MYRIP: variants seen among roughly 807,000 people sequenced by gnomAD.
The protein encoded by MYRIP is rab effector MyRIP.
In MYRIP, 49 loss-of-function variants were observed where a neutral mutation model predicts 98.0. The ratio of observed to expected loss-of-function variants is 0.50; its 90% CI spans 0.40 to 0.63. The LOEUF is 0.63. Among genes scored for constraint, MYRIP ranks in the 30% least tolerant of loss-of-function variants. The pLI is 0.00. For synonymous variants in MYRIP, 404 were observed against 409.5 expected (o/e 0.99, Z 0.16); for missense variants, 1,004 against 1,058.2 (o/e 0.95, Z 0.71).
At chr3:40,126,652 A>C (rs1438840183) in intron 3 of MYRIP, among the ~76,000 whole-genome samples, 1 of 152,248 alleles carries the variant, frequency 6.6e-6, no homozygotes, top group Non-Finnish European at 1.5e-5. Context: ...CATAACCTAC[A>C]ACCAAATTTG....
chr3:39,975,519 A>C (rs1347352174), intron 2 of MYRIP, among the ~76,000 whole-genome samples: 33 of 152,080 alleles, frequency 2.2e-4, no homozygotes, highest in Non-Finnish European at 2.9e-4. Context: ...GCTACCAATG[A>C]CTTTCTTCAC....
chr3:40,072,833 TA>T (rs11339535), intron 3 of MYRIP, among the ~76,000 whole-genome samples: 122,952 of 151,846 alleles, frequency 0.81, 49,861 homozygotes, highest in Admixed American at 0.87. Context: ...TGTTCTTTTT[TA>T]AAAAAAAATG....
At position 39,868,461 on chromosome 3, in the gene MYRIP, T is replaced by C. The variant is rs370637178; in HGVS notation, c.-30-32326T>C. Among the ~76,000 whole-genome samples, 91 of 152,282 alleles carry C rather than the reference T, an allele frequency of 6.0e-4. 4 individuals carry two copies. The Middle Eastern group carries it at 0.017, about 28-fold the overall frequency. On this transcript the variant is annotated intron_variant, in intron 1 of 16. Transcript: ENST00000302541. Reference sequence around the variant, plus strand: ...TCTGTTGGATAAGGGACTGAGTTCCTGAGATTCAGAGTTCTTTGTGTTCTG... The same window carrying C: ...TCTGTTGGATAAGGGACTGAGTTCCCGAGATTCAGAGTTCTTTGTGTTCTG...
intron 3 of MYRIP, among the ~76,000 whole-genome samples, chr3:40,055,758 A>T (rs1173790595): frequency 6.6e-6 from 1 of 152,180 alleles, no homozygotes; most frequent in Non-Finnish European, 1.5e-5. Flanking sequence ...AAACCTTGTT[A>T]CAATGTCTTT....
intron 16 of MYRIP, among the ~76,000 whole-genome samples, chr3:40,256,974 C>T (rs1262996030): frequency 6.6e-6 from 1 of 152,104 alleles, no homozygotes; most frequent in Non-Finnish European, 1.5e-5. Flanking sequence ...TGTACTTCTT[C>T]AGAGATGAAG....
At chr3:40,007,523 T>C (rs1346921406) in intron 2 of MYRIP, among the ~76,000 whole-genome samples, 1 of 152,162 alleles carries the variant, frequency 6.6e-6, no homozygotes, top group African/African-American at 2.4e-5. Context: ...CTCACAGACA[T>C]TGTGATGAGA....
intron 3 of MYRIP, among the ~76,000 whole-genome samples, chr3:40,063,774 A>C (rs892134737): frequency 6.6e-6 from 1 of 152,228 alleles, no homozygotes; most frequent in African/African-American, 2.4e-5. Flanking sequence ...CTACATTAAT[A>C]GTCAAGGTTA....
intron 12 of MYRIP, 119 bp downstream of exon 12, chr3:40,234,172 C>G: frequency 1.0e-6 from 1 of 1,001,666 alleles, no homozygotes; most frequent in East Asian, 3.1e-5. Flanking sequence ...ACCACTACCA[C>G]TATAGCAAAT....
At chr3:40,122,073 A>G (rs1348873957) in intron 3 of MYRIP, among the ~76,000 whole-genome samples, 2 of 152,160 alleles carry the variant, frequency 1.3e-5, no homozygotes, top group Non-Finnish European at 2.9e-5. Flanking sequence ...CTGGCCTAAA[A>G]TGGAACCAAA....
chr3:40,191,404 TC>T (rs1471281968), intron 10 of MYRIP, among the ~76,000 whole-genome samples: 1 of 152,216 alleles, frequency 6.6e-6, no homozygotes, highest in East Asian at 1.9e-4. Context: ...CACATCACTG[TC>T]AACTCAATAC....
intron 9 of MYRIP, among the ~76,000 whole-genome samples, chr3:40,184,814 T>A (rs1950984097): frequency 6.6e-6 from 1 of 152,224 alleles, no homozygotes. Flanking sequence ...TTCAATTGTA[T>A]ATAAACATAA....
chr3:40,162,896 A>G (rs2125590407), intron 5 of MYRIP, 86 bp downstream of exon 5: 1 of 1,236,800 alleles, frequency 8.1e-7, no homozygotes, highest in Non-Finnish European at 1.2e-6. Flanking sequence ...GGTCCCCCAG[A>G]TGCATTGTTA....
chr3:39,958,859 G>A (rs923535446), intron 2 of MYRIP, among the ~76,000 whole-genome samples: 2 of 152,078 alleles, frequency 1.3e-5, no homozygotes, highest in African/African-American at 4.8e-5. Context: ...TCAAAAAGTG[G>A]GTGAAGTATA....
chr3:40,082,635 T>G (rs1948502594), intron 3 of MYRIP, among the ~76,000 whole-genome samples: 1 of 152,208 alleles, frequency 6.6e-6, no homozygotes, highest in Non-Finnish European at 1.5e-5. Flanking sequence ...ATAATTCTCA[T>G]TAGGGCCTAG....
At chr3:40,145,674 C>T (rs536275779) in intron 3 of MYRIP, among the ~76,000 whole-genome samples, 207 of 152,338 alleles carry the variant, frequency 1.4e-3, no homozygotes, top group Non-Finnish European at 2.1e-3. Context: ...AACCTGGCTG[C>T]TTTACGTCTA....
At chr3:39,888,563 A>G (rs1197591283) in intron 1 of MYRIP, among the ~76,000 whole-genome samples, 3 of 152,222 alleles carry the variant, frequency 2.0e-5, no homozygotes, top group East Asian at 1.9e-4. Flanking sequence ...TTAGACCTAA[A>G]ACCATAAAAA....
intron 3 of MYRIP, among the ~76,000 whole-genome samples, chr3:40,096,953 C>A (rs1214089116): frequency 6.6e-6 from 1 of 152,216 alleles, no homozygotes; most frequent in African/African-American, 2.4e-5. Flanking sequence ...CCTAACTCCT[C>A]ACCTTCTGCA....
intron 3 of MYRIP, among the ~76,000 whole-genome samples, chr3:40,053,437 A>G (rs1048659568): frequency 1.3e-5 from 2 of 152,218 alleles, no homozygotes; most frequent in Non-Finnish European, 2.9e-5. Flanking sequence ...GTGAAAGCTA[A>G]ACATATTTTC....
intron 2 of MYRIP, among the ~76,000 whole-genome samples, chr3:39,919,647 A>T (rs1944254408): frequency 6.6e-6 from 1 of 151,258 alleles, no homozygotes; most frequent in African/African-American, 2.4e-5. Flanking sequence ...ATCCTGAAGT[A>T]GGCCTGTAAT....
Sources: allele counts gnomAD v4.1 joint callset (sites outside exome capture counted in the v4.1 genomes callset), GRCh38; gene constraint gnomAD v4.1.1; transcripts MANE v1.5; gene names NCBI Gene and HGNC (gene_info 2026-07-23, HGNC 2026-07-21).